Variants in GREB1L observed in about 807,000 individuals in gnomAD.
GREB1L encodes GREB1 like retinoic acid receptor coactivator, also known as GREB1-like protein.
GREB1L carries 17 observed loss-of-function variants against 200.8 expected under a neutral mutation model. The observed-to-expected ratio is 0.08, with a 90% CI of 0.06 to 0.13. The LOEUF is 0.13. Ranked by LOEUF, GREB1L falls within the 10% of genes least tolerant of loss-of-function variation. The pLI, the probability that GREB1L is intolerant of heterozygous loss-of-function variation, is 1.00. For missense variants in GREB1L, 1,657 were observed against 2,367.7 expected, an observed-to-expected ratio of 0.70 and a Z score of 6.23; for synonymous variants, 789 against 893.0, an observed-to-expected ratio of 0.88 and a Z score of 2.08.
chr18:21,299,701 G>A (rs1598640554), intron 1 of GREB1L, among the ~76,000 whole-genome samples: 1 of 152,072 alleles, frequency 6.6e-6, no homozygotes, highest in East Asian at 1.9e-4. Flanking sequence ...GAACTTAAAT[G>A]CTTTAACAAT....
chr18:21,329,535 A>C (rs548260945), intron 1 of GREB1L, among the ~76,000 whole-genome samples: 1 of 151,992 alleles, frequency 6.6e-6, no homozygotes, highest in Non-Finnish European at 1.5e-5. Flanking sequence ...AATCTCAAGG[A>C]CTTGATTGCT....
intron 15 of GREB1L, among the ~76,000 whole-genome samples, chr18:21,472,560 A>G (rs1405779103): frequency 6.6e-6 from 1 of 152,076 alleles, no homozygotes; most frequent in Non-Finnish European, 1.5e-5. Context: ...AAAGCTGACA[A>G]TCTAACGTGG....
At position 21,294,016 on chromosome 18, in the gene GREB1L, A is replaced by G. The variant is rs150201089; in HGVS notation, c.-120+51623A>G. On this transcript the variant is annotated intron_variant, in intron 1 of 32. Coordinates refer to ENST00000424526, the MANE Select transcript of GREB1L (RefSeq NM_001142966.3). The stretch of plus-strand genomic sequence containing the variant: ...AGGCTGGTCTTGAACTCCTGGCCTC[A>G]AGTGATCTGCCCACCTCAGCCTTCC... 7.2e-3 allele frequency among the ~76,000 whole-genome samples: 1,102 copies of G among 152,214 alleles called. 23 individuals carry two copies. Among genetic ancestry groups the G allele is most frequent in the African/African-American group, 0.025 (1,056 of 41,524 alleles).
At chr18:21,463,930 A>G (rs2035161761) in intron 15 of GREB1L, among the ~76,000 whole-genome samples, 1 of 152,242 alleles carries the variant, frequency 6.6e-6, no homozygotes, top group Non-Finnish European at 1.5e-5. Flanking sequence ...TGATTGGAGC[A>G]TGCCAAAAGG....
chr18:21,508,832 G>A, intron 27 of GREB1L: 1 of 533,914 alleles, frequency 1.9e-6, no homozygotes, highest in Non-Finnish European at 3.3e-6. Context: ...AGAAGTCACT[G>A]GTGTACTGAG....
intron 4 of GREB1L, among the ~76,000 whole-genome samples, chr18:21,388,412 A>G (rs138239525): frequency 6.6e-6 from 1 of 152,136 alleles, no homozygotes; most frequent in East Asian, 1.9e-4. Context: ...TATTAATTTT[A>G]ATAACAACTA....
At chr18:21,268,178 A>G (rs1313137727) in intron 1 of GREB1L, among the ~76,000 whole-genome samples, 1 of 151,994 alleles carries the variant, frequency 6.6e-6, no homozygotes, top group African/African-American at 2.4e-5. Context: ...GTGCTTGATG[A>G]GCACAGCGGA....
intron 1 of GREB1L, among the ~76,000 whole-genome samples, chr18:21,325,918 C>CT (rs1388016459): frequency 6.6e-6 from 1 of 151,366 alleles, no homozygotes; most frequent in African/African-American, 2.4e-5. Context: ...ATTCCCTAGC[C>CT]TAATTGGACA....
intron 28 of GREB1L, among the ~76,000 whole-genome samples, chr18:21,514,399 C>T (rs984505473): frequency 2.0e-5 from 3 of 152,208 alleles, no homozygotes; most frequent in African/African-American, 7.2e-5. Flanking sequence ...CCTGCAGTCC[C>T]AGCTACTTGA....
intron 7 of GREB1L, among the ~76,000 whole-genome samples, chr18:21,421,771 G>C (rs1211986647): frequency 6.6e-6 from 1 of 152,164 alleles, no homozygotes; most frequent in Non-Finnish European, 1.5e-5. Context: ...GAGGTAACGA[G>C]TGGCAAAAAT....
chr18:21,349,955 G>C (rs1407963493), intron 1 of GREB1L, among the ~76,000 whole-genome samples: 1 of 152,212 alleles, frequency 6.6e-6, no homozygotes, highest in South Asian at 2.1e-4. Flanking sequence ...AAAAAGGTTG[G>C]GGACTGCTGC....
intron 1 of GREB1L, among the ~76,000 whole-genome samples, chr18:21,332,132 C>T (rs567862324): frequency 9.2e-5 from 14 of 152,314 alleles, no homozygotes; most frequent in South Asian, 2.1e-4. Flanking sequence ...AGTTAATACT[C>T]TGGCTTTTAA....
rs897386714 is a variant in GREB1L at position 21,523,806 on chromosome 18, C to T, written c.*985C>T. The T allele has an allele frequency of 2.0e-5, 3 of 152,124 alleles. No homozygotes were observed. Among genetic ancestry groups the T allele is most frequent in the African/African-American group, 7.2e-5 (3 of 41,412 alleles). The allele number at this position is 152,124 out of a possible 1,614,324, so 9.4% of individuals were successfully genotyped here. A position where few individuals can be genotyped will look rare whatever the true frequency, so the allele number is the denominator to read the frequency against. ...AAATATTACCACCTTACACTGACAA[C>T]GCCACAGAAATTGCCGAATTGGGAA... On this transcript the variant is annotated 3_prime_UTR_variant, in exon 33 of 33. Coordinates refer to ENST00000424526, the MANE Select transcript of GREB1L (RefSeq NM_001142966.3).
intron 7 of GREB1L, among the ~76,000 whole-genome samples, chr18:21,426,939 A>G (rs1276492998): frequency 6.8e-6 from 1 of 147,958 alleles, no homozygotes; most frequent in Non-Finnish European, 1.5e-5. Flanking sequence ...AGCCTGGGCA[A>G]CAGAGCGAGA....
At chr18:21,405,414 C>A (rs1313711899) in intron 7 of GREB1L, among the ~76,000 whole-genome samples, 1 of 152,188 alleles carries the variant, frequency 6.6e-6, no homozygotes, top group Non-Finnish European at 1.5e-5. Context: ...TTCATTACAA[C>A]AAAAACGTAT....
intron 7 of GREB1L, among the ~76,000 whole-genome samples, chr18:21,431,923 T>G (rs1364146705): frequency 1.5e-5 from 2 of 136,250 alleles, no homozygotes; most frequent in Non-Finnish European, 3.2e-5. Flanking sequence ...TCTTTTCTTT[T>G]TTTTTTTTTT....
rs1435037615 is a variant in GREB1L at position 21,336,284 on chromosome 18, AACTTT to A, written c.-119-29738_-119-29734del. Among the ~76,000 whole-genome samples, 9 of 152,190 alleles carry A rather than the reference AACTTT, an allele frequency of 5.9e-5. No individual in the cohort carries two copies. The East Asian group carries it at 1.5e-3, about 26-fold the overall frequency. The stretch of plus-strand genomic sequence containing the variant: ...AATAAACAAGCTAAATGGAAAAATA[AACTTT>A]ACTTCTTCACATCTGGTAGAAAGCT... On this transcript the variant is annotated intron_variant, in intron 1 of 32. Transcript: ENST00000424526.
At chr18:21,403,788 A>C in intron 6 of GREB1L, 84 bp from the exon 7 acceptor site, 2 of 1,178,754 alleles carry the variant, frequency 1.7e-6, no homozygotes, top group Non-Finnish European at 2.4e-6. Flanking sequence ...GATTTAATTT[A>C]GAGATTTTAT....
intron 17 of GREB1L, among the ~76,000 whole-genome samples, chr18:21,483,038 A>G (rs1253554794): frequency 6.6e-6 from 1 of 152,236 alleles, no homozygotes; most frequent in Non-Finnish European, 1.5e-5. Context: ...GAACAGATGG[A>G]GAAACCATTC....
Sources: allele counts gnomAD v4.1 joint callset (sites outside exome capture counted in the v4.1 genomes callset), GRCh38; gene constraint gnomAD v4.1.1; transcripts MANE v1.5; gene names NCBI Gene and HGNC (gene_info 2026-07-23, HGNC 2026-07-21).